RP1: variants seen among roughly 807,000 people sequenced by gnomAD.
RP1 encodes oxygen-regulated protein 1.
A neutral mutation model predicts 14.8 loss-of-function variants in RP1; 16 were observed. That is an observed-to-expected ratio of 1.08 (90% CI 0.73 to 1.65). The LOEUF is 1.65. Ranked by LOEUF, RP1 falls within the 40% of genes most tolerant of loss-of-function variation. RP1 has a pLI of 0.00. For synonymous variants in RP1, 876 were observed against 883.6 expected (o/e 0.99, Z 0.15); for missense variants, 2,631 against 2,535.0 (o/e 1.04, Z -0.81).
intron 4 of RP1, among the ~76,000 whole-genome samples, chr8:54,652,048 C>T (rs971267819): frequency 4.0e-5 from 6 of 150,906 alleles, no homozygotes; most frequent in Non-Finnish European, 7.4e-5. Context: ...ATCTCTCTCG[C>T]ACAGGCTGGA....
intron 25 of RP1, among the ~76,000 whole-genome samples, chr8:54,851,278 A>AGTC (rs1812056206): frequency 6.6e-6 from 1 of 152,098 alleles, no homozygotes; most frequent in East Asian, 1.9e-4. Flanking sequence ...TTGTGTTCTA[A>AGTC]ATGCTTTTTT....
chr8:54,757,541 AG>A (rs1363102833), intron 21 of RP1, among the ~76,000 whole-genome samples: 16 of 152,230 alleles, frequency 1.1e-4, no homozygotes, highest in African/African-American at 3.9e-4. Flanking sequence ...CAGGGATATT[AG>A]TGAGCTGGTT....
Position 54,625,469 on chromosome 8 carries a change from A to G in RP1, c.1587A>G (p.Ser529=). 13 of 1,614,072 alleles carry G rather than the reference A, an allele frequency of 8.1e-6. No individual in the cohort carries two copies. Among genetic ancestry groups the G allele is most frequent in the South Asian group, 1.1e-5 (1 of 91,080 alleles). The part of the protein sequence containing the change: ...QINNNDQMEE[S]SLERKKENSL... ...ATAACAATGATCAAATGGAGGAGTCATCATTAGAAAGAAAAAAGGAAAACA... is the reference window on the plus strand; with the variant it reads ...ATAACAATGATCAAATGGAGGAGTCGTCATTAGAAAGAAAAAAGGAAAACA... Residue 529 remains serine (S), a synonymous_variant, in exon 4 of 4, where the codon TCA becomes TCG. Coordinates refer to ENST00000220676, the MANE Select transcript of RP1 (RefSeq NM_006269.2).
Position 54,625,770 on chromosome 8 carries a change from C to G in RP1, c.1888C>G (p.Pro630Ala). The G allele has an allele frequency of 1.9e-6, 3 of 1,613,614 alleles. No individual in the cohort carries two copies. The highest frequency in any genetic ancestry group is 1.7e-6 in the Non-Finnish European group (2 of 1,179,982). ...AACTGACAAAAATATTTCTGAGGCT[C>G]CAGCTTCAGAAGCATCCTCTACTGT... ...SGTDKNISEAPASEASSTVTA... is the reference protein window; with the variant it reads ...SGTDKNISEAAASEASSTVTA... The change falls in exon 4 of 4, where the codon CCA (proline) becomes GCA (alanine). Residue 630 changes from proline (P) to alanine (A), a missense_variant. Physicochemically the swap from Pro to Ala is conservative, Grantham distance 27 (BLOSUM62 -1). Coordinates refer to ENST00000220676, the MANE Select transcript of RP1 (RefSeq NM_006269.2).
intron 1 of RP1, among the ~76,000 whole-genome samples, chr8:54,571,567 G>A (rs559599880): frequency 1.2e-4 from 18 of 152,312 alleles, no homozygotes; most frequent in African/African-American, 4.3e-4. Flanking sequence ...GGAAGGACTG[G>A]TTAAGATCCA....
chr8:54,607,488 G>C (rs1805480785), intron 1 of RP1, among the ~76,000 whole-genome samples: 1 of 152,192 alleles, frequency 6.6e-6, no homozygotes, highest in Non-Finnish European at 1.5e-5. Context: ...CTACTCGGGG[G>C]TCAGGGACCC....
chr8:54,701,052 T>G (rs977076506), intron 13 of RP1, among the ~76,000 whole-genome samples: 5 of 152,164 alleles, frequency 3.3e-5, no homozygotes, highest in African/African-American at 9.7e-5. Context: ...TCCTGAACAA[T>G]AGTCATGTCT....
intron 25 of RP1, among the ~76,000 whole-genome samples, chr8:54,843,215 T>C (rs924450836): frequency 6.6e-6 from 1 of 152,162 alleles, no homozygotes; most frequent in Admixed American, 6.5e-5. Context: ...TTTGTATTTT[T>C]ATGTATTTAT....
intron 12 of RP1, among the ~76,000 whole-genome samples, chr8:54,695,512 A>G (rs1003492114): frequency 6.6e-6 from 1 of 152,132 alleles, no homozygotes; most frequent in African/African-American, 2.4e-5. Context: ...TTATAGTTTT[A>G]TGAATTTAAA....
chr8:54,817,160 A>G (rs892066782), intron 24 of RP1, among the ~76,000 whole-genome samples: 9 of 152,118 alleles, frequency 5.9e-5, no homozygotes, highest in African/African-American at 2.2e-4. Flanking sequence ...AGTAGGCTCC[A>G]TATGGATAGG....
At chr8:54,601,833 A>C (rs1042381151) in intron 1 of RP1, among the ~76,000 whole-genome samples, 1 of 152,242 alleles carries the variant, frequency 6.6e-6, no homozygotes, top group Admixed American at 6.5e-5. Flanking sequence ...CAGCCATAAA[A>C]GATCACATAT....
chr8:54,833,365 C>G (rs777041656), intron 24 of RP1, among the ~76,000 whole-genome samples: 5 of 151,772 alleles, frequency 3.3e-5, no homozygotes, highest in Middle Eastern at 3.2e-3. Flanking sequence ...AGGTCAAATC[C>G]CTGGCTTCTC....
At chr8:54,755,285 A>G (rs1809473402) in intron 20 of RP1, among the ~76,000 whole-genome samples, 1 of 152,184 alleles carries the variant, frequency 6.6e-6, no homozygotes, top group Admixed American at 6.5e-5. Flanking sequence ...CTTTAAACAT[A>G]ATGTACAATA....
intron 16 of RP1, among the ~76,000 whole-genome samples, chr8:54,724,200 T>C (rs898876193): frequency 1.3e-5 from 2 of 152,210 alleles, no homozygotes; most frequent in African/African-American, 2.4e-5. Context: ...ATTACGGTCT[T>C]AGAAAAATAT....
At chr8:54,806,459 C>T (rs114734006) in intron 24 of RP1, among the ~76,000 whole-genome samples, 4,280 of 152,246 alleles carry the variant, frequency 0.028, 114 homozygotes, top group African/African-American at 0.062. Flanking sequence ...GTTTCCCTGG[C>T]TACATCTTAG....
At chr8:54,645,596 T>G (rs968746364) in intron 3 of RP1, among the ~76,000 whole-genome samples, 1 of 152,214 alleles carries the variant, frequency 6.6e-6, no homozygotes, top group Non-Finnish European at 1.5e-5. Flanking sequence ...GATGTGGTTT[T>G]CTAATATTTT....
chr8:54,586,170 G>T (rs1308828187), intron 1 of RP1, among the ~76,000 whole-genome samples: 2 of 152,172 alleles, frequency 1.3e-5, no homozygotes, highest in African/African-American at 4.8e-5. Context: ...AACAGATGGG[G>T]TTTTGGTGTG....
intron 21 of RP1, among the ~76,000 whole-genome samples, chr8:54,757,810 T>C (rs1809546573): frequency 6.6e-6 from 1 of 152,188 alleles, no homozygotes. Flanking sequence ...GAAACGTCCC[T>C]TGTAAAGCCG....
At chr8:54,726,777 A>T (rs1361427034) in intron 17 of RP1, among the ~76,000 whole-genome samples, 2 of 152,060 alleles carry the variant, frequency 1.3e-5, no homozygotes, top group African/African-American at 2.4e-5. Context: ...TATTTTATGA[A>T]TATATTTTAT....
Sources: gnomAD v4.1 joint callset for allele counts (sites outside exome capture counted in the v4.1 genomes callset) on GRCh38, gnomAD v4.1.1 for gene constraint, MANE v1.5 for transcripts, NCBI Gene and HGNC (gene_info 2026-07-23, HGNC 2026-07-21) for gene names.